Variants in TMEM161B observed in about 807,000 individuals in gnomAD.
TMEM161B encodes transmembrane protein 161B.
In TMEM161B, 34 loss-of-function variants were observed where a neutral mutation model predicts 61.8. That is an observed-to-expected ratio of 0.55 (90% CI 0.42 to 0.73). TMEM161B has a LOEUF of 0.73. TMEM161B is among the 30% of genes least tolerant of loss of function. The pLI is 0.00. For missense variants in TMEM161B, 456 were observed against 558.5 expected, an observed-to-expected ratio of 0.82 and a Z score of 1.85; for synonymous variants, 167 against 192.8, an observed-to-expected ratio of 0.87 and a Z score of 1.11.
intron 1 of TMEM161B, among the ~76,000 whole-genome samples, chr5:88,261,730 C>CAAAAAAAAAAA (rs70996464): frequency 4.1e-5 from 2 of 49,304 alleles, no homozygotes; most frequent in Non-Finnish European, 7.0e-5. Flanking sequence ...CATTCATGTG[C>CAAAAAAAAAAA]AAAAAAAAAA....
downstream of TMEM161B, among the ~76,000 whole-genome samples, chr5:88,191,996 A>ATATT (rs1748966197): frequency 1.3e-5 from 1 of 74,140 alleles, no homozygotes; most frequent in Non-Finnish European, 2.5e-5. Context: ...ATATATATAT[A>ATATT]TATATATATA....
At chr5:88,224,717 T>C (rs1749663893) in intron 4 of TMEM161B, among the ~76,000 whole-genome samples, 2 of 152,132 alleles carry the variant, frequency 1.3e-5, no homozygotes, top group Non-Finnish European at 2.9e-5. Context: ...CGTGTCTACT[T>C]ATATGCAGAT....
At chr5:88,214,275 T>G (rs1747404593) in intron 5 of TMEM161B, among the ~76,000 whole-genome samples, 1 of 152,136 alleles carries the variant, frequency 6.6e-6, no homozygotes, top group African/African-American at 2.4e-5. Flanking sequence ...ACCTCCACAT[T>G]GTAAAATACA....
At chr5:88,218,215 A>G (rs564601300) in intron 5 of TMEM161B, among the ~76,000 whole-genome samples, 69 of 152,290 alleles carry the variant, frequency 4.5e-4, no homozygotes, top group African/African-American at 1.6e-3. Flanking sequence ...AATAATAAGC[A>G]TTCCAGAAAG....
chr5:88,188,376 A>T (rs1748494275), downstream of TMEM161B, among the ~76,000 whole-genome samples: 1 of 151,788 alleles, frequency 6.6e-6, no homozygotes. Context: ...TCAGCCTCCC[A>T]AAGTGCTGCG....
intron 5 of TMEM161B, among the ~76,000 whole-genome samples, chr5:88,212,446 G>C (rs1421891994): frequency 6.6e-6 from 1 of 152,136 alleles, no homozygotes; most frequent in South Asian, 2.1e-4. Flanking sequence ...GCTTCCAAAT[G>C]ATGAACAGGT....
At chr5:88,231,389 A>G (rs1419238145) in intron 2 of TMEM161B, among the ~76,000 whole-genome samples, 1 of 152,174 alleles carries the variant, frequency 6.6e-6, no homozygotes, top group Non-Finnish European at 1.5e-5. Flanking sequence ...GGTCTGTACT[A>G]ACTCCAGGTA....
intron 1 of TMEM161B, among the ~76,000 whole-genome samples, chr5:88,258,060 A>G (rs1477669669): frequency 6.6e-6 from 1 of 152,188 alleles, no homozygotes; most frequent in African/African-American, 2.4e-5. Context: ...ATTAAGTGGG[A>G]AGCTCTCTAT....
At chr5:88,225,643 G>T in intron 4 of TMEM161B, 126 bp downstream of exon 4, 1 of 541,326 alleles carries the variant, frequency 1.8e-6, no homozygotes, top group Non-Finnish European at 3.2e-6. Flanking sequence ...GAAGTCATTT[G>T]AGCTTCTAAG....
At chr5:88,260,120 A>G (rs1230529421) in intron 1 of TMEM161B, among the ~76,000 whole-genome samples, 3 of 152,250 alleles carry the variant, frequency 2.0e-5, no homozygotes, top group Non-Finnish European at 4.4e-5. Flanking sequence ...AATACCTGGT[A>G]AATATTAAAT....
At chr5:88,204,395 G>A (rs1745043923) in intron 8 of TMEM161B, among the ~76,000 whole-genome samples, 1 of 152,108 alleles carries the variant, frequency 6.6e-6, no homozygotes, top group Non-Finnish European at 1.5e-5. Flanking sequence ...ACACTAAAAT[G>A]TGCACTCCAC....
At chr5:88,207,700 A>G (rs1745791008) in intron 5 of TMEM161B, among the ~76,000 whole-genome samples, 1 of 152,184 alleles carries the variant, frequency 6.6e-6, no homozygotes, top group African/African-American at 2.4e-5. Flanking sequence ...AAGTTTCAAC[A>G]TGTTCACCTA....
At chr5:88,230,776 T>C (rs1317004812) in intron 2 of TMEM161B, among the ~76,000 whole-genome samples, 1 of 152,180 alleles carries the variant, frequency 6.6e-6, no homozygotes, top group Non-Finnish European at 1.5e-5. Context: ...CCCCAGTTCT[T>C]GGCACAGAGT....
chr5:88,239,873 A>G (rs758553776), intron 2 of TMEM161B, among the ~76,000 whole-genome samples: 3 of 151,986 alleles, frequency 2.0e-5, no homozygotes, highest in Non-Finnish European at 2.9e-5. Context: ...ACAGGTATCC[A>G]TTGTTTTTCT....
At chr5:88,202,816 C>A (rs933815111) in intron 9 of TMEM161B, 146 bp downstream of exon 9, 1 of 686,828 alleles carries the variant, frequency 1.5e-6, no homozygotes, top group African/African-American at 1.8e-5. Flanking sequence ...TCTGTAGTTT[C>A]AATTTTCTAA....
chr5:88,241,151 T>C (rs187559352), intron 1 of TMEM161B, among the ~76,000 whole-genome samples: 1 of 151,920 alleles, frequency 6.6e-6, no homozygotes, highest in East Asian at 1.9e-4. Context: ...ATTTTAAAAA[T>C]AGAGTATAAC....
downstream of TMEM161B, among the ~76,000 whole-genome samples, chr5:88,193,447 G>T (rs998055962): frequency 6.6e-6 from 1 of 152,032 alleles, no homozygotes; most frequent in Admixed American, 6.6e-5. Flanking sequence ...AAACTCTTTT[G>T]TATTTGAAGA....
At chr5:88,188,888 C>T (rs1166849741), downstream of TMEM161B, among the ~76,000 whole-genome samples, 1 of 152,152 alleles carries the variant, frequency 6.6e-6, no homozygotes, top group Non-Finnish European at 1.5e-5. Context: ...CTGGTCTTGC[C>T]ACTGACTTCC....
chr5:88,240,670 A>T (rs1302267477), intron 2 of TMEM161B, 143 bp downstream of exon 2: 2 of 695,656 alleles, frequency 2.9e-6, no homozygotes, highest in Admixed American at 3.0e-5. Flanking sequence ...AAAAAAAATT[A>T]ATTTTTTAAG....
Sources: gnomAD v4.1 joint callset for allele counts (sites outside exome capture counted in the v4.1 genomes callset) on GRCh38, gnomAD v4.1.1 for gene constraint, MANE v1.5 for transcripts, NCBI Gene and HGNC (gene_info 2026-07-23, HGNC 2026-07-21) for gene names.